Variants in PEX3 observed in about 807,000 individuals in gnomAD.
PEX3 encodes peroxisomal biogenesis factor 3.
Under a neutral mutation model 55.8 loss-of-function variants are expected in PEX3, and 30 were observed. The ratio of observed to expected loss-of-function variants is 0.54; its 90% confidence interval spans 0.40 to 0.73. The LOEUF is 0.73. PEX3 is among the 30% of genes least tolerant of loss of function. The probability of loss-of-function intolerance (pLI) is 0.00; values close to 1 mark genes in which losing one functional copy is unlikely to be tolerated. For synonymous variants in PEX3, 135 were observed against 148.4 expected (o/e 0.91, Z 0.66); for missense variants, 351 against 432.8 (o/e 0.81, Z 1.68).
At chr6:143,455,974 G>C (rs1161055552) in intron 1 of PEX3, among the ~76,000 whole-genome samples, 1 of 152,168 alleles carries the variant, frequency 6.6e-6, no homozygotes, top group African/African-American at 2.4e-5. Context: ...AGAAGACTAA[G>C]AGATGGTTTT....
intron 9 of PEX3, 43 bp downstream of exon 9, chr6:143,474,899 G>T: frequency 1.0e-6 from 1 of 979,882 alleles, no homozygotes; most frequent in South Asian, 1.3e-5. Flanking sequence ...TGTGTATGTT[G>T]AATGTACTTG....
chr6:143,456,215 A>G (rs1286488160), intron 1 of PEX3, among the ~76,000 whole-genome samples: 4 of 152,254 alleles, frequency 2.6e-5, no homozygotes, highest in Non-Finnish European at 5.9e-5. Context: ...CTCAAAAGTC[A>G]CATAACTACT....
chr6:143,481,477 A>G (rs192912737), intron 10 of PEX3, among the ~76,000 whole-genome samples: 4 of 152,140 alleles, frequency 2.6e-5, no homozygotes, highest in African/African-American at 4.8e-5. Flanking sequence ...CAGTTGTTCA[A>G]TAATGTCTAT....
At chr6:143,467,513 T>C (rs1780008751) in intron 3 of PEX3, among the ~76,000 whole-genome samples, 1 of 152,028 alleles carries the variant, frequency 6.6e-6, no homozygotes, top group Non-Finnish European at 1.5e-5. Flanking sequence ...CAGGACCCAG[T>C]GAAATTGGTG....
At position 143,471,639 on chromosome 6, in the gene PEX3, AC is replaced by A. The variant is rs1780076760; in HGVS notation, c.578+29del. ...AAGGCATTTTTCTTTGACTTTTCTGACTTCTTGATTCTAATGAGTGAAAGAA... is the reference window on the plus strand; with the variant it reads ...AAGGCATTTTTCTTTGACTTTTCTGATTCTTGATTCTAATGAGTGAAAGAA... On this transcript the variant is annotated intron_variant, in intron 7 of 11. Transcript: ENST00000367591. This position sits in a 1 kb window ranked among gnomAD's most constrained non-coding sequence, Gnocchi z 5.4. The A allele has an allele frequency of 6.5e-7, 1 of 1,535,894 alleles. No homozygotes were observed. The highest frequency in any genetic ancestry group is 1.4e-5 in the African/African-American group (1 of 73,374).
At chr6:143,467,045 A>T (rs1780002015) in intron 3 of PEX3, among the ~76,000 whole-genome samples, 1 of 152,064 alleles carries the variant, frequency 6.6e-6, no homozygotes, top group Non-Finnish European at 1.5e-5. Flanking sequence ...CAAAGACAGA[A>T]ACTGTGCTAA....
At position 143,485,214 on chromosome 6, in the gene PEX3, C is replaced by A; in HGVS notation, c.1004C>A (p.Ser335Ter). Residue 335 changes from serine to a stop codon, truncating the protein, a stop_gained, in exon 11 of 12, where the codon TCA (serine) becomes TAA (stop). Transcript: ENST00000367591. LOFTEE classifies it high-confidence loss of function. The surrounding 1 kb of genome is among the most constrained non-coding windows in gnomAD (Gnocchi z 5.6). ...CCAATAGTAAACGGACAGATCCATT[C>A]AGTTTGCAGTGAAACACCTAGTCAT... ...IIPIVNGQIH[S>*]VCSETPSHFV... is the part of the protein sequence containing the mutation. The A allele has an allele frequency of 6.2e-7, 1 of 1,604,968 alleles. No homozygotes were observed. The highest frequency in any genetic ancestry group is 8.5e-7 in the Non-Finnish European group (1 of 1,171,934).
rs1440490299 is a variant in PEX3 at position 143,464,192 on chromosome 6, G to T, written c.287+1195G>T. 6.6e-6 allele frequency among the ~76,000 whole-genome samples: 1 copy of T among 152,064 alleles called. No individual in the cohort carries two copies. Among genetic ancestry groups the T allele is most frequent in the Admixed American group, 6.6e-5 (1 of 15,260 alleles). On this transcript the variant is annotated intron_variant, in intron 3 of 11. Transcript: ENST00000367591. This position sits in a 1 kb window ranked among gnomAD's most constrained non-coding sequence, Gnocchi z 5.8. ...TGTGTACATAGGTAGGAATTGAAAAGAAGTAGATTTTAATTTCCTTTTTGT... is the reference window on the plus strand; with the variant it reads ...TGTGTACATAGGTAGGAATTGAAAATAAGTAGATTTTAATTTCCTTTTTGT...
At chr6:143,481,989 G>C (rs1584016788) in intron 10 of PEX3, among the ~76,000 whole-genome samples, 1 of 152,062 alleles carries the variant, frequency 6.6e-6, no homozygotes, top group East Asian at 1.9e-4. Flanking sequence ...TATAAAAAAA[G>C]AGTATTTGAA....
In PEX3 at chr6:143,472,511, C is replaced by T. The variant is rs6905956; in HGVS notation, c.747+183C>T. Among the ~76,000 whole-genome samples the T allele has an allele frequency of 0.04, 5,724 of 144,028 alleles. 357 individuals are homozygous for T. Among genetic ancestry groups the T allele is most frequent in the African/African-American group, 0.14 (5,373 of 39,330 alleles). The allele number at this position is 144,028 out of a possible 152,430, so 94.5% of individuals were successfully genotyped here. On this transcript the variant is annotated intron_variant, in intron 8 of 11. Transcript: ENST00000367591. ...ATTATGAGTGATTTCTAGTAAGAAG[C>T]ACTTAACAATTTTAGATATTCAGTA...
Position 143,482,711 on chromosome 6 carries a change from A to G in PEX3, c.942-2441A>G, listed in dbSNP as rs1384316251. Reference sequence around the variant, plus strand: ...ATCCAGAAGTAGCCCTAAAAATTGTAGGATGTTAGTAATGATTGTGGGCAA... The same window carrying G: ...ATCCAGAAGTAGCCCTAAAAATTGTGGGATGTTAGTAATGATTGTGGGCAA... On this transcript the variant is annotated intron_variant, in intron 10 of 11. Transcript: ENST00000367591. The surrounding 1 kb of genome is among the most constrained non-coding windows in gnomAD (Gnocchi z 5.5). Among the ~76,000 whole-genome samples, 4 of 151,974 alleles carry G rather than the reference A, an allele frequency of 2.6e-5. No individual in the cohort carries two copies. Among genetic ancestry groups the G allele is most frequent in the African/African-American group, 9.7e-5 (4 of 41,418 alleles).
chr6:143,485,891 T>TA lies in PEX3; in HGVS notation c.1038+644dup, dbSNP rs1237953170. Among the ~76,000 whole-genome samples, 1 of 152,106 alleles carries TA rather than the reference T, an allele frequency of 6.6e-6. No individual in the cohort carries two copies. Among genetic ancestry groups the TA allele is most frequent in the East Asian group, 1.9e-4 (1 of 5,196 alleles). ...TCATGTGCAAACTTGGAAACTGTGT[T>TA]ATAAGTTAAAAAATTGTTTGCAATG... On this transcript the variant is annotated intron_variant, in intron 11 of 11. Coordinates refer to ENST00000367591, the MANE Select transcript of PEX3 (RefSeq NM_003630.3). This position sits in a 1 kb window ranked among gnomAD's most constrained non-coding sequence, Gnocchi z 5.6.
Position 143,487,526 on chromosome 6 carries a change from T to C in PEX3, c.1039-1617T>C, listed in dbSNP as rs536473275. On this transcript the variant is annotated intron_variant, in intron 11 of 11. Coordinates refer to ENST00000367591, the MANE Select transcript of PEX3 (RefSeq NM_003630.3). This position sits in a 1 kb window ranked among gnomAD's most constrained non-coding sequence, Gnocchi z 5.3. ...ATAAATTAAAAACTCAATAAGATCC[T>C]TAAGATTAGAGCTTTTTCGTAACTC... Among the ~76,000 whole-genome samples, 6 of 152,216 alleles carry C rather than the reference T, an allele frequency of 3.9e-5. No individual in the cohort carries two copies. The East Asian group carries it at 1.2e-3, about 29-fold the overall frequency.
Position 143,451,857 on chromosome 6 carries a change from A to G in PEX3, c.73+742A>G, listed in dbSNP as rs180984364. Reference sequence around the variant, plus strand: ...TTCCCTCATACAATGCTCATGTGATAATATTCAGGGATTTGAAGGAGGGAA... The same window carrying G: ...TTCCCTCATACAATGCTCATGTGATGATATTCAGGGATTTGAAGGAGGGAA... On this transcript the variant is annotated intron_variant, in intron 1 of 11. Coordinates refer to ENST00000367591, the MANE Select transcript of PEX3 (RefSeq NM_003630.3). The surrounding 1 kb of genome is among the most constrained non-coding windows in gnomAD (Gnocchi z 4.1). Among the ~76,000 whole-genome samples, 723 of 152,338 alleles carry G rather than the reference A, an allele frequency of 4.7e-3. 4 individuals are homozygous for G. Among genetic ancestry groups the G allele is most frequent in the African/African-American group, 0.016 (664 of 41,560 alleles).
chr6:143,463,062 A>G lies in PEX3; in HGVS notation c.287+65A>G. 8.6e-7 allele frequency: 1 copy of G among 1,163,966 alleles called. No individual in the cohort carries two copies. Among genetic ancestry groups the G allele is most frequent in the Non-Finnish European group, 1.3e-6 (1 of 778,306 alleles). The allele number at this position is 1,163,966 out of a possible 1,614,324, so 72.1% of individuals were successfully genotyped here. On this transcript the variant is annotated intron_variant, in intron 3 of 11. Coordinates refer to ENST00000367591, the MANE Select transcript of PEX3 (RefSeq NM_003630.3). This position sits in a 1 kb window ranked among gnomAD's most constrained non-coding sequence, Gnocchi z 5.7. ...CTTAAAGTTTATAGAATGAACTGAT[A>G]GACTTTTCAAAAATCTTTGTTATTT...
At position 143,450,989 on chromosome 6, in the gene PEX3, T is replaced by C; in HGVS notation, c.-54T>C. ...TGGGCCAGGTGACGAAGAAACAGTT[T>C]CCTGGTGAAGCAGTCCCTCACCCCT... On this transcript the variant is annotated 5_prime_UTR_variant, in exon 1 of 12. Transcript: ENST00000367591. 1 of 1,300,404 alleles carries C rather than the reference T, an allele frequency of 7.7e-7. No homozygotes were observed. The highest frequency in any genetic ancestry group is 1.2e-5 in the South Asian group (1 of 84,784). The allele number at this position is 1,300,404 out of a possible 1,614,324, so 80.6% of individuals were successfully genotyped here. A position where few individuals can be genotyped will look rare whatever the true frequency, so the allele number is the denominator to read the frequency against.
chr6:143,451,720 A>G lies in PEX3; in HGVS notation c.73+605A>G, dbSNP rs137863763. ...AAAAATGCTTGAGGGATGTTGTGCAATCTTCCTCAGGATCTTCAAGGTTGG... is the reference window on the plus strand; with the variant it reads ...AAAAATGCTTGAGGGATGTTGTGCAGTCTTCCTCAGGATCTTCAAGGTTGG... On this transcript the variant is annotated intron_variant, in intron 1 of 11. Coordinates refer to ENST00000367591, the MANE Select transcript of PEX3 (RefSeq NM_003630.3). This position sits in a 1 kb window ranked among gnomAD's most constrained non-coding sequence, Gnocchi z 4.1. 8.1e-4 allele frequency among the ~76,000 whole-genome samples: 124 copies of G among 152,338 alleles called. No individual in the cohort carries two copies. Among genetic ancestry groups the G allele is most frequent in the East Asian group, 4.2e-3 (22 of 5,190 alleles).
At chr6:143,472,039 A>G (rs1780082083) in intron 7 of PEX3, 121 bp from the exon 8 acceptor site, 2 of 729,576 alleles carry the variant, frequency 2.7e-6, no homozygotes, top group Non-Finnish European at 4.8e-6. Flanking sequence ...TATTCCAGTC[A>G]GCAGTTACAG....
chr6:143,466,164 TC>T lies in PEX3; in HGVS notation c.288-1955del, dbSNP rs1779988953. Among the ~76,000 whole-genome samples the T allele has an allele frequency of 6.6e-6, 1 of 152,072 alleles. No individual in the cohort carries two copies. Among genetic ancestry groups the T allele is most frequent in the Non-Finnish European group, 1.5e-5 (1 of 67,914 alleles). ...AGTGGCTACCATCTGTATACAATAGTCCCATCCACCTTATCCATGGTTTCAC... is the reference window on the plus strand; with the variant it reads ...AGTGGCTACCATCTGTATACAATAGTCCATCCACCTTATCCATGGTTTCAC... On this transcript the variant is annotated intron_variant, in intron 3 of 11. Transcript: ENST00000367591. This position sits in a 1 kb window ranked among gnomAD's most constrained non-coding sequence, Gnocchi z 5.4.
Sources: allele counts gnomAD v4.1 joint callset (sites outside exome capture counted in the v4.1 genomes callset), GRCh38; gene constraint gnomAD v4.1.1; non-coding constraint Gnocchi (gnomAD v3.1); transcripts MANE v1.5; gene names NCBI Gene and HGNC (gene_info 2026-07-23, HGNC 2026-07-21).